The following ST6GALNAC3 variants were observed in gnomAD, a reference collection of about 807,000 sequenced individuals.
The protein encoded by ST6GALNAC3 is alpha-N-acetylgalactosaminide alpha-2,6-sialyltransferase 3.
In ST6GALNAC3, 25 loss-of-function variants were observed where a neutral mutation model predicts 32.7. That is an observed-to-expected ratio of 0.76 (90% CI 0.56 to 1.07). The LOEUF (loss-of-function observed/expected upper bound fraction) is 1.07, where lower values mean the gene tolerates loss of function less well. ST6GALNAC3 is among the 50% of genes least tolerant of loss of function. The pLI is 0.00. For synonymous variants in ST6GALNAC3, 129 were observed against 133.1 expected (o/e 0.97, Z 0.21); for missense variants, 355 against 382.4 (o/e 0.93, Z 0.60).
At chr1:76,402,169 G>A (rs1395887775) in intron 2 of ST6GALNAC3, among the ~76,000 whole-genome samples, 1 of 152,052 alleles carries the variant, frequency 6.6e-6, no homozygotes, top group Non-Finnish European at 1.5e-5. Context: ...TGTACTTTGG[G>A]TTTTCATTTT....
At chr1:76,184,519 GCACA>G (rs71071992) in intron 1 of ST6GALNAC3, among the ~76,000 whole-genome samples, 19,325 of 133,816 alleles carry the variant, frequency 0.14, 1,408 homozygotes, top group Non-Finnish European at 0.17. Flanking sequence ...CTCCTGGGCA[GCACA>G]CACACACACA....
chr1:76,274,355 T>C (rs916843907), intron 1 of ST6GALNAC3, among the ~76,000 whole-genome samples: 1 of 152,190 alleles, frequency 6.6e-6, no homozygotes, highest in South Asian at 2.1e-4. Flanking sequence ...AGAACCCAAC[T>C]CTGTATCTAT....
intron 3 of ST6GALNAC3, among the ~76,000 whole-genome samples, chr1:76,435,711 T>C (rs1363176541): frequency 6.6e-6 from 1 of 152,152 alleles, no homozygotes; most frequent in Non-Finnish European, 1.5e-5. Flanking sequence ...ATTTAGACAA[T>C]ATTTCAGCAT....
intron 3 of ST6GALNAC3, among the ~76,000 whole-genome samples, chr1:76,521,825 T>G (rs371503587): frequency 3.2e-4 from 49 of 152,214 alleles, no homozygotes; most frequent in African/African-American, 9.9e-4. Context: ...TCCTAGCACT[T>G]TGGGAGGCCG....
chr1:76,354,543 A>C (rs566967913), intron 2 of ST6GALNAC3, among the ~76,000 whole-genome samples: 1 of 152,236 alleles, frequency 6.6e-6, no homozygotes, highest in South Asian at 2.1e-4. Flanking sequence ...TTAAATGCTG[A>C]AGGTTTGCTG....
At chr1:76,094,177 T>C (rs1647090882) in intron 1 of ST6GALNAC3, among the ~76,000 whole-genome samples, 1 of 152,108 alleles carries the variant, frequency 6.6e-6, no homozygotes, top group Non-Finnish European at 1.5e-5. Context: ...AGGGGAATTG[T>C]CCATGTAGAG....
intron 1 of ST6GALNAC3, among the ~76,000 whole-genome samples, chr1:76,240,256 G>A (rs945177793): frequency 6.6e-6 from 1 of 152,180 alleles, no homozygotes; most frequent in Non-Finnish European, 1.5e-5. Context: ...GTAGTATGAT[G>A]TTTTACGTAG....
intron 3 of ST6GALNAC3, among the ~76,000 whole-genome samples, chr1:76,558,465 A>T (rs1375212263): frequency 6.6e-6 from 1 of 152,172 alleles, no homozygotes; most frequent in Non-Finnish European, 1.5e-5. Flanking sequence ...TGGAGCCCAT[A>T]ATCCTAATCA....
intron 3 of ST6GALNAC3, among the ~76,000 whole-genome samples, chr1:76,478,707 A>G (rs1659510316): frequency 6.8e-6 from 1 of 148,148 alleles, no homozygotes; most frequent in Non-Finnish European, 1.5e-5. Flanking sequence ...TCTTTAATTG[A>G]CCTTCTCTAT....
chr1:76,532,998 G>A (rs1336941974), intron 3 of ST6GALNAC3, among the ~76,000 whole-genome samples: 2 of 152,142 alleles, frequency 1.3e-5, no homozygotes, highest in Non-Finnish European at 2.9e-5. Flanking sequence ...TATTTATCAT[G>A]AGATCTTGCA....
chr1:76,253,072 AG>A (rs1285340824), intron 1 of ST6GALNAC3, among the ~76,000 whole-genome samples: 1 of 152,156 alleles, frequency 6.6e-6, no homozygotes, highest in African/African-American at 2.4e-5. Context: ...TCACTATACT[AG>A]AATATTATCA....
At chr1:76,397,425 G>A (rs1653057543) in intron 2 of ST6GALNAC3, among the ~76,000 whole-genome samples, 1 of 143,494 alleles carries the variant, frequency 7.0e-6, no homozygotes, top group South Asian at 2.2e-4. Context: ...AGGCTGGAGT[G>A]CAATGGCGAT....
intron 3 of ST6GALNAC3, among the ~76,000 whole-genome samples, chr1:76,525,737 G>GTATA (rs199929352): frequency 7.6e-6 from 1 of 131,080 alleles, no homozygotes; most frequent in Non-Finnish European, 1.7e-5. Flanking sequence ...GTGTGTATAT[G>GTATA]TATATATATA....
chr1:76,434,924 G>A (rs1003433208), intron 3 of ST6GALNAC3, among the ~76,000 whole-genome samples: 6 of 151,254 alleles, frequency 4.0e-5, no homozygotes, highest in Non-Finnish European at 7.4e-5. Context: ...TTGAGTAGCT[G>A]GGACTACAGG....
intron 3 of ST6GALNAC3, among the ~76,000 whole-genome samples, chr1:76,518,381 G>A (rs1394969160): frequency 6.6e-6 from 1 of 152,034 alleles, no homozygotes; most frequent in South Asian, 2.1e-4. Context: ...TATTTTTAAT[G>A]AGGAGTTTTA....
intron 1 of ST6GALNAC3, among the ~76,000 whole-genome samples, chr1:76,221,194 T>TA (rs1655748545): frequency 6.6e-6 from 1 of 152,160 alleles, no homozygotes; most frequent in Non-Finnish European, 1.5e-5. Context: ...ACCCTCAATG[T>TA]AAAAAACATT....
chr1:76,190,404 G>A (rs540521794), intron 1 of ST6GALNAC3, among the ~76,000 whole-genome samples: 2 of 152,090 alleles, frequency 1.3e-5, no homozygotes, highest in Non-Finnish European at 2.9e-5. Context: ...TGGAGCATAC[G>A]CCCAGATGCT....
chr1:76,249,212 T>C lies in ST6GALNAC3; in HGVS notation c.19-64593T>C, dbSNP rs1201639277. Among the ~76,000 whole-genome samples, 3 of 152,222 alleles carry C rather than the reference T, an allele frequency of 2.0e-5. No homozygotes were observed. The South Asian group carries it at 6.2e-4, about 32-fold the overall frequency. ...CTCCACTCTTTAATTGCTTTATTTC[T>C]TCAACCTTCTACAAACTAAGTATCT... is the stretch of plus-strand genomic sequence containing the variant. On this transcript the variant is annotated intron_variant, in intron 1 of 4. Transcript: ENST00000328299.
At chr1:76,418,365 C>A (rs1013825957) in intron 3 of ST6GALNAC3, among the ~76,000 whole-genome samples, 2 of 152,120 alleles carry the variant, frequency 1.3e-5, no homozygotes, top group Non-Finnish European at 2.9e-5. Flanking sequence ...CCTTAACACA[C>A]ACAGTGTAGC....
Sources: gnomAD v4.1 joint callset for allele counts (sites outside exome capture counted in the v4.1 genomes callset) on GRCh38, gnomAD v4.1.1 for gene constraint, MANE v1.5 for transcripts, NCBI Gene and HGNC (gene_info 2026-07-23, HGNC 2026-07-21) for gene names.